The following PADI1 variants were observed in gnomAD, a reference collection of about 807,000 sequenced individuals.
PADI1 encodes the protein protein-arginine deiminase type-1.
In PADI1, 65 loss-of-function variants were observed where a neutral mutation model predicts 74.8. The observed-to-expected ratio is 0.87, with a 90% CI of 0.71 to 1.07. The LOEUF (loss-of-function observed/expected upper bound fraction) is 1.07. Among genes scored for constraint, PADI1 ranks in the 50% least tolerant of loss-of-function variants. The probability of loss-of-function intolerance (pLI) is 0.00; values close to 1 mark genes in which losing one functional copy is unlikely to be tolerated. For missense variants in PADI1, 943 were observed against 854.0 expected (o/e 1.10, Z -1.30); for synonymous variants, 371 against 336.2 (o/e 1.10, Z -1.13).
chr1:17,210,402 G>A (rs1233416462), intron 1 of PADI1, among the ~76,000 whole-genome samples: 4 of 152,022 alleles, frequency 2.6e-5, no homozygotes, highest in East Asian at 3.9e-4. Context: ...GGTGACTCAC[G>A]ACTTGGACTC....
At chr1:17,216,002 G>A (rs1049166022) in intron 1 of PADI1, among the ~76,000 whole-genome samples, 6 of 152,150 alleles carry the variant, frequency 3.9e-5, no homozygotes, top group South Asian at 2.1e-4. Flanking sequence ...GAAAGGCCTC[G>A]TATGCTACCC....
At chr1:17,211,289 A>G (rs546407437) in intron 1 of PADI1, among the ~76,000 whole-genome samples, 13 of 152,030 alleles carry the variant, frequency 8.6e-5, no homozygotes, top group African/African-American at 3.1e-4. Context: ...GGCTCACTGC[A>G]ACCTCCGCCT....
chr1:17,222,956 G>A (rs1376029469), intron 2 of PADI1, among the ~76,000 whole-genome samples: 1 of 96,764 alleles, frequency 1.0e-5, no homozygotes, highest in Non-Finnish European at 1.9e-5. Flanking sequence ...CCAGCCCCCA[G>A]CACCCAAATC....
At chr1:17,212,729 G>C (rs1198682564) in intron 1 of PADI1, among the ~76,000 whole-genome samples, 1 of 152,344 alleles carries the variant, frequency 6.6e-6, no homozygotes, top group East Asian at 1.9e-4. Flanking sequence ...TGGGCAGGGG[G>C]CTGGCCGGGA....
chr1:17,227,390 A>G (rs927003667), intron 6 of PADI1, among the ~76,000 whole-genome samples: 1 of 150,300 alleles, frequency 6.7e-6, no homozygotes, highest in African/African-American at 2.5e-5. Flanking sequence ...TCTACAAAAC[A>G]TACAAAAAAA....
At chr1:17,230,537 A>T in intron 9 of PADI1, 35 bp from the exon 10 acceptor site, 2 of 1,449,816 alleles carry the variant, frequency 1.4e-6, no homozygotes, top group Non-Finnish European at 1.9e-6. Context: ...CACCCGAAAA[A>T]GGTCACTGTG....
intron 6 of PADI1, among the ~76,000 whole-genome samples, chr1:17,226,852 A>G (rs2072329519): frequency 6.6e-6 from 1 of 151,988 alleles, no homozygotes; most frequent in South Asian, 2.1e-4. Context: ...GATCGAGAAC[A>G]TCCTGGCTAA....
At chr1:17,229,177 T>A in intron 8 of PADI1, 126 bp downstream of exon 8, 1 of 686,118 alleles carries the variant, frequency 1.5e-6, no homozygotes, top group Non-Finnish European at 2.5e-6. Context: ...CAGGCAGAGC[T>A]GGTGGCAGGA....
intron 2 of PADI1, 121 bp from the exon 3 acceptor site, chr1:17,223,500 T>G: frequency 1.3e-6 from 1 of 756,744 alleles, no homozygotes; most frequent in Non-Finnish European, 2.3e-6. Context: ...CTTCAGAGAC[T>G]GGGGGGGTCT....
In PADI1 at chr1:17,230,216, C is replaced by G. The variant is rs1316852734; in HGVS notation, c.1053+8C>G. 1 of 1,611,998 alleles carries G rather than the reference C, an allele frequency of 6.2e-7. No individual in the cohort carries two copies. Among genetic ancestry groups the G allele is most frequent in the Non-Finnish European group, 8.5e-7 (1 of 1,178,976 alleles). ...AATGACCGCTGGATCCAGGTGGGAG[C>G]TGGGGGCAGCTCGGGAAGCCTGCAG... is the stretch of plus-strand genomic sequence containing the variant. On this transcript the variant is annotated splice_region_variant and intron_variant, in intron 9 of 15. Coordinates refer to ENST00000375471, the MANE Select transcript of PADI1 (RefSeq NM_013358.3).
intron 1 of PADI1, among the ~76,000 whole-genome samples, chr1:17,217,057 GGGAGGAGA>G (rs1364113517): frequency 6.9e-6 from 1 of 145,464 alleles, no homozygotes; most frequent in East Asian, 2.0e-4. Context: ...GGGGAGGGAG[GGGAGGAGA>G]GGAGGAGAGG....
At position 17,226,025 on chromosome 1, in the gene PADI1, C is replaced by T; in HGVS notation, c.527-8C>T. Reference sequence around the variant, plus strand: ...AAAGGGCGATCTCAAGAGGGCCACTCTCTCCAGACCTGCAGGACATGTCCC... The same window carrying T: ...AAAGGGCGATCTCAAGAGGGCCACTTTCTCCAGACCTGCAGGACATGTCCC... On this transcript the variant is annotated splice_region_variant and splice_polypyrimidine_tract_variant and intron_variant, in intron 5 of 15. Transcript: ENST00000375471. The T allele has an allele frequency of 2.5e-6, 4 of 1,614,030 alleles. No individual in the cohort carries two copies. The highest frequency in any genetic ancestry group is 1.3e-5 in the African/African-American group (1 of 75,040).
At chr1:17,240,586 G>A (rs2072753775) in intron 14 of PADI1, 49 bp from the exon 15 acceptor site, 1 of 1,602,078 alleles carries the variant, frequency 6.2e-7, no homozygotes, top group Middle Eastern at 1.7e-4. Context: ...TGCTTGGCCA[G>A]TGTTATGCTC....
Position 17,244,053 on chromosome 1 carries a change from C to T in PADI1, c.1802C>T (p.Pro601Leu). The change falls in exon 16 of 16, where the codon CCC becomes CTC. Residue 601 changes from proline (P) to leucine (L), a missense_variant. Pro to Leu is a moderately conservative substitution (Grantham distance 98). Coordinates refer to ENST00000375471, the MANE Select transcript of PADI1 (RefSeq NM_013358.3). ...GGCAAGTACCTGGGCATCCCCAAGC[C>T]CTACGGGCCCATCATCAATGGCCGC... The part of the protein sequence containing the change: ...VLGKYLGIPK[P>L]YGPIINGRCC... 1 of 1,614,184 alleles carries T rather than the reference C, an allele frequency of 6.2e-7. No homozygotes were observed. Among genetic ancestry groups the T allele is most frequent in the Non-Finnish European group, 8.5e-7 (1 of 1,180,024 alleles).
intron 1 of PADI1, among the ~76,000 whole-genome samples, chr1:17,218,713 G>A (rs2072046858): frequency 6.6e-6 from 1 of 152,194 alleles, no homozygotes. Context: ...GAGGTCAAAG[G>A]AGAATGAGTT....
intron 1 of PADI1, among the ~76,000 whole-genome samples, chr1:17,207,915 G>A (rs1218711870): frequency 6.6e-6 from 1 of 152,222 alleles, no homozygotes; most frequent in Non-Finnish European, 1.5e-5. Flanking sequence ...GCTTCCTGCT[G>A]GCCAGGTCTG....
At chr1:17,234,686 G>A (rs1469259280) in intron 11 of PADI1, among the ~76,000 whole-genome samples, 1 of 152,174 alleles carries the variant, frequency 6.6e-6, no homozygotes, top group East Asian at 1.9e-4. Flanking sequence ...TATTTATGGA[G>A]ACTTCCTATA....
At position 17,238,690 on chromosome 1, in the gene PADI1, G is replaced by A; in HGVS notation, c.1533G>A (p.Gly511=). ...AAGAGAAGAAAGAAGAGGGTTATGGGGAGGCAGCCCAGTTTGATGGTGAGT... is the reference window on the plus strand; with the variant it reads ...AAGAGAAGAAAGAAGAGGGTTATGGAGAGGCAGCCCAGTTTGATGGTGAGT... The part of the protein sequence containing the change: ...LFQEKKEEGY[G]EAAQFDGLKH... The change falls in exon 13 of 16, where the codon GGG becomes GGA. Residue 511 remains glycine (G), a synonymous_variant. Coordinates refer to ENST00000375471, the MANE Select transcript of PADI1 (RefSeq NM_013358.3). The A allele has an allele frequency of 6.5e-7, 1 of 1,536,628 alleles. No homozygotes were observed. The highest frequency in any genetic ancestry group is 8.8e-7 in the Non-Finnish European group (1 of 1,133,040).
chr1:17,220,252 A>T (rs1206713710), intron 1 of PADI1, among the ~76,000 whole-genome samples: 1 of 151,916 alleles, frequency 6.6e-6, no homozygotes, highest in Non-Finnish European at 1.5e-5. Context: ...AGCATTAGGG[A>T]GCGCCAAGTA....
Sources: gnomAD v4.1 joint callset for allele counts (sites outside exome capture counted in the v4.1 genomes callset) on GRCh38, gnomAD v4.1.1 for gene constraint, MANE v1.5 for transcripts, NCBI Gene and HGNC (gene_info 2026-07-23, HGNC 2026-07-21) for gene names.